The following FBXL17 variants were observed in gnomAD, a reference collection of about 807,000 sequenced individuals.
FBXL17 encodes F-box/LRR-repeat protein 17.
Under a neutral mutation model 66.2 loss-of-function variants are expected in FBXL17, and 22 were observed. The ratio of observed to expected loss-of-function variants is 0.33; its 90% CI spans 0.24 to 0.47. The LOEUF (loss-of-function observed/expected upper bound fraction) is 0.47. Ranked by LOEUF, FBXL17 falls within the 20% of genes least tolerant of loss-of-function variation. FBXL17 has a pLI of 1.00. For synonymous variants in FBXL17, 474 were observed against 400.5 expected (o/e 1.18, Z -2.19); for missense variants, 878 against 948.2 (o/e 0.93, Z 0.97).
chr5:107,980,665 T>TATATATGTATATATATATA (rs1363335386), intron 7 of FBXL17, among the ~76,000 whole-genome samples: 1 of 79,154 alleles, frequency 1.3e-5, no homozygotes, highest in African/African-American at 9.0e-5. Flanking sequence ...TATATATATA[T>TATATATGTATATATATATA]TTTTTTTTTG....
chr5:108,367,979 A>G (rs1748780383), intron 1 of FBXL17, 26 bp from the exon 2 acceptor site: 2 of 1,541,436 alleles, frequency 1.3e-6, no homozygotes, highest in African/African-American at 2.8e-5. Context: ...GGTACCATAT[A>G]ATATGTGCTA....
In FBXL17 at chr5:108,025,073, A is replaced by G. The variant is rs114265668; in HGVS notation, c.1746-4072T>C. Among the ~76,000 whole-genome samples the G allele has an allele frequency of 8.5e-3, 1,291 of 152,300 alleles. 14 individuals carry two copies. Among genetic ancestry groups the G allele is most frequent in the African/African-American group, 0.029 (1,188 of 41,576 alleles). On this transcript the variant is annotated intron_variant, in intron 6 of 8. Transcript: ENST00000542267. Reference sequence around the variant, plus strand: ...TTTATGTTTTTTTGTCTCCTACTCAAAAGCTAGAACATGGCATTAGTGACA... The same window carrying G: ...TTTATGTTTTTTTGTCTCCTACTCAGAAGCTAGAACATGGCATTAGTGACA...
intron 6 of FBXL17, among the ~76,000 whole-genome samples, chr5:108,098,430 C>T (rs1293075251): frequency 6.6e-6 from 1 of 151,886 alleles, no homozygotes; most frequent in African/African-American, 2.4e-5. Flanking sequence ...GGTCAACTTG[C>T]CACAAAAAGC....
At chr5:108,357,534 C>A (rs1156262854) in intron 3 of FBXL17, among the ~76,000 whole-genome samples, 2 of 152,024 alleles carry the variant, frequency 1.3e-5, no homozygotes, top group East Asian at 1.9e-4. Context: ...AATACACATT[C>A]TTCTCTAACG....
rs1758795011 is a variant in FBXL17 at position 108,305,495 on chromosome 5, AAAG to A, written c.1506+42901_1506+42903del. 1.1e-4 allele frequency among the ~76,000 whole-genome samples: 16 copies of A among 152,060 alleles called. No individual in the cohort carries two copies. The South Asian group carries it at 3.3e-3, about 32-fold the overall frequency. ...ACTGAAAAGTTGAAGGGGGAAAAAA[AAAG>A]AAGTGAGGATTGCTAAGCAGAAGTG... On this transcript the variant is annotated intron_variant, in intron 4 of 8. Transcript: ENST00000542267.
chr5:108,368,464 A>G (rs1412018915), intron 1 of FBXL17, among the ~76,000 whole-genome samples: 1 of 152,108 alleles, frequency 6.6e-6, no homozygotes, highest in Non-Finnish European at 1.5e-5. Context: ...CTTTTCCAAA[A>G]TATTCATAAC....
chr5:107,959,417 CAG>C (rs1554052533), intron 7 of FBXL17, among the ~76,000 whole-genome samples: 1 of 145,372 alleles, frequency 6.9e-6, no homozygotes. Context: ...CACACACACA[CAG>C]GCAACACTTT....
At chr5:107,866,961 T>C (rs1748292464) in intron 8 of FBXL17, among the ~76,000 whole-genome samples, 1 of 152,120 alleles carries the variant, frequency 6.6e-6, no homozygotes. Context: ...CACTGTCAAA[T>C]CCCTAGCACA....
At chr5:108,040,065 G>C (rs1434188280) in intron 6 of FBXL17, among the ~76,000 whole-genome samples, 1 of 152,036 alleles carries the variant, frequency 6.6e-6, no homozygotes, top group Admixed American at 6.6e-5. Flanking sequence ...AAATATTTGG[G>C]TATAATAATT....
chr5:108,154,660 TACATATATATGTGTATATATATAC>T (rs1166264095), intron 6 of FBXL17, among the ~76,000 whole-genome samples: 8 of 141,332 alleles, frequency 5.7e-5, no homozygotes, highest in African/African-American at 7.8e-5. Flanking sequence ...TATATGTATA[TACATATATATGTGTATATATATAC>T]ACATATATAT....
At chr5:108,175,092 A>G (rs1210959980) in intron 6 of FBXL17, among the ~76,000 whole-genome samples, 4 of 152,214 alleles carry the variant, frequency 2.6e-5, no homozygotes, top group Non-Finnish European at 5.9e-5. Context: ...CCTGGATTTC[A>G]GCCAGAGTTT....
At chr5:107,962,117 T>A (rs1185357793) in intron 7 of FBXL17, among the ~76,000 whole-genome samples, 1 of 152,132 alleles carries the variant, frequency 6.6e-6, no homozygotes, top group East Asian at 1.9e-4. Context: ...TCTATACAAT[T>A]TCTCTTTCAG....
chr5:108,086,691 T>C (rs1748984030), intron 6 of FBXL17, among the ~76,000 whole-genome samples: 1 of 152,088 alleles, frequency 6.6e-6, no homozygotes, highest in Admixed American at 6.5e-5. Context: ...TCCAAGAAGC[T>C]GTGATTACAG....
At chr5:108,129,532 G>A (rs767520781) in intron 6 of FBXL17, among the ~76,000 whole-genome samples, 16 of 151,912 alleles carry the variant, frequency 1.1e-4, no homozygotes, top group Non-Finnish European at 2.2e-4. Flanking sequence ...CAATCACTTT[G>A]CAGATTTAAC....
intron 7 of FBXL17, among the ~76,000 whole-genome samples, chr5:108,001,003 A>T (rs1473283770): frequency 6.6e-6 from 1 of 152,202 alleles, no homozygotes; most frequent in Non-Finnish European, 1.5e-5. Flanking sequence ...ATTTCAATGT[A>T]CACAGGAAAT....
rs528689533 is a variant in FBXL17, at chr5:108,100,727, T to C, written c.1746-79726A>G. On this transcript the variant is annotated intron_variant, in intron 6 of 8. Transcript: ENST00000542267. ...GGTACTTTCTGGCAGACTCTGACTA[T>C]AAAATTTTTGTTCTGTTTTTAAGAG... Among the ~76,000 whole-genome samples the C allele has an allele frequency of 7.9e-5, 12 of 152,342 alleles. No homozygotes were observed. In the East Asian group the frequency reaches 2.3e-3, roughly 29 times the overall value.
At chr5:108,261,185 A>C (rs1756805206) in intron 4 of FBXL17, among the ~76,000 whole-genome samples, 1 of 152,076 alleles carries the variant, frequency 6.6e-6, no homozygotes, top group East Asian at 1.9e-4. Context: ...ATATAAAACA[A>C]CATGAAAGAA....
chr5:107,898,820 T>C (rs141678822), intron 7 of FBXL17, among the ~76,000 whole-genome samples: 1 of 152,220 alleles, frequency 6.6e-6, no homozygotes, highest in Admixed American at 6.5e-5. Flanking sequence ...TATGGCTGCA[T>C]AGTATTCCAT....
At chr5:108,220,422 TC>T (rs1329005799) in intron 5 of FBXL17, among the ~76,000 whole-genome samples, 1 of 152,188 alleles carries the variant, frequency 6.6e-6, no homozygotes, top group Non-Finnish European at 1.5e-5. Context: ...CCTGCCTGTT[TC>T]CCGTATCATA....
Sources: allele counts gnomAD v4.1 joint callset (sites outside exome capture counted in the v4.1 genomes callset), GRCh38; gene constraint gnomAD v4.1.1; transcripts MANE v1.5; gene names NCBI Gene and HGNC (gene_info 2026-07-23, HGNC 2026-07-21).